Variants in CDK6 observed in about 807,000 individuals in gnomAD.
CDK6 encodes the protein cyclin dependent kinase 6.
A neutral mutation model predicts 37.1 loss-of-function variants in CDK6; 6 were observed. The ratio of observed to expected loss-of-function variants is 0.16; its 90% confidence interval spans 0.09 to 0.32. The LOEUF (loss-of-function observed/expected upper bound fraction) is 0.32. Among genes scored for constraint, CDK6 ranks in the 10% least tolerant of loss-of-function variants. The pLI, the probability that CDK6 is intolerant of heterozygous loss-of-function variation, is 1.00. For missense variants in CDK6, 224 were observed against 418.9 expected (o/e 0.53, Z 4.06); for synonymous variants, 160 against 161.3 (o/e 0.99, Z 0.06).
rs190559033 is a variant in CDK6, at chr7:92,740,225, G to C, written c.370-14432C>G. ...TCCTACATCCCTGTTACTATGCTCTGAGGGTAACATGCTCTATTATATCTC... is the reference window on the plus strand; with the variant it reads ...TCCTACATCCCTGTTACTATGCTCTCAGGGTAACATGCTCTATTATATCTC... On this transcript the variant is annotated intron_variant, in intron 3 of 7. Transcript: ENST00000424848. 8.5e-5 allele frequency among the ~76,000 whole-genome samples: 13 copies of C among 152,306 alleles called. 1 individual carries two copies. Among genetic ancestry groups the C allele is most frequent in the African/African-American group, 2.9e-4 (12 of 41,560 alleles).
chr7:92,783,603 G>C (rs968196320), intron 2 of CDK6, among the ~76,000 whole-genome samples: 1 of 152,078 alleles, frequency 6.6e-6, no homozygotes, highest in Non-Finnish European at 1.5e-5. Flanking sequence ...ATATAGACCT[G>C]GCACTGTGGC....
chr7:92,647,418 G>A (rs920326901), intron 5 of CDK6, among the ~76,000 whole-genome samples: 1 of 152,208 alleles, frequency 6.6e-6, no homozygotes, highest in African/African-American at 2.4e-5. Context: ...ATGACGTGGA[G>A]CAGCCAGGAG....
chr7:92,666,031 G>C (rs1183140695), intron 5 of CDK6, among the ~76,000 whole-genome samples: 2 of 152,214 alleles, frequency 1.3e-5, no homozygotes, highest in Non-Finnish European at 2.9e-5. Context: ...CAAGGCATGG[G>C]CCTGTCACAT....
chr7:92,694,831 A>G (rs1333856410), intron 4 of CDK6, among the ~76,000 whole-genome samples: 6 of 152,196 alleles, frequency 3.9e-5, no homozygotes, highest in Non-Finnish European at 7.3e-5. Context: ...AATTATATAT[A>G]TATAAAAAGA....
At chr7:92,648,386 T>C (rs1796497813) in intron 5 of CDK6, among the ~76,000 whole-genome samples, 1 of 152,154 alleles carries the variant, frequency 6.6e-6, no homozygotes, top group African/African-American at 2.4e-5. Context: ...TGGGGACTTT[T>C]TAGTTGAGAA....
At chr7:92,630,206 G>A (rs971454784) in intron 5 of CDK6, among the ~76,000 whole-genome samples, 2 of 151,938 alleles carry the variant, frequency 1.3e-5, no homozygotes, top group African/African-American at 4.8e-5. Context: ...CAATAAATGT[G>A]ATTTGTCTTT....
Position 92,714,138 on chromosome 7 carries a change from A to G in CDK6, c.537+11488T>C, listed in dbSNP as rs1439481253. ...ATGGGGATACTACCATATGAGAACT[A>G]CTATATTACAGGCAAATCAAAAGTG... On this transcript the variant is annotated intron_variant, in intron 4 of 7. Transcript: ENST00000424848. Among the ~76,000 whole-genome samples, 3 of 152,308 alleles carry G rather than the reference A, an allele frequency of 2.0e-5. No individual in the cohort carries two copies. In the East Asian group the frequency reaches 5.8e-4, roughly 29 times the overall value.
At chr7:92,750,616 T>G (rs1799166766) in intron 3 of CDK6, among the ~76,000 whole-genome samples, 1 of 152,196 alleles carries the variant, frequency 6.6e-6, no homozygotes, top group Admixed American at 6.5e-5. Context: ...ACAAGCCATT[T>G]CTAAACAAAA....
intron 2 of CDK6, among the ~76,000 whole-genome samples, chr7:92,798,054 G>A (rs901771053): frequency 1.3e-5 from 2 of 152,120 alleles, no homozygotes; most frequent in African/African-American, 4.8e-5. Flanking sequence ...AAAATGACTC[G>A]TCCTGAATGA....
At chr7:92,783,147 GGAA>G (rs1800038725) in intron 2 of CDK6, among the ~76,000 whole-genome samples, 1 of 152,102 alleles carries the variant, frequency 6.6e-6, no homozygotes, top group African/African-American at 2.4e-5. Flanking sequence ...AAGCACAGAA[GGAA>G]GAAGACAGAT....
At chr7:92,789,604 T>TTAATTG (rs1387331427) in intron 2 of CDK6, among the ~76,000 whole-genome samples, 1 of 152,210 alleles carries the variant, frequency 6.6e-6, no homozygotes, top group African/African-American at 2.4e-5. Context: ...GTTGAAGATG[T>TTAATTG]TAATTGTAAT....
chr7:92,751,111 T>A (rs1799179104), intron 3 of CDK6, among the ~76,000 whole-genome samples: 1 of 152,196 alleles, frequency 6.6e-6, no homozygotes, highest in South Asian at 2.1e-4. Context: ...CCTGGAGTGC[T>A]TTCTGAATTG....
chr7:92,718,583 T>C (rs1242885694), intron 4 of CDK6, among the ~76,000 whole-genome samples: 49 of 152,040 alleles, frequency 3.2e-4, no homozygotes, highest in Admixed American at 3.1e-3. Context: ...GTGGAATGAG[T>C]TATTCCAAAC....
At chr7:92,755,692 T>TAA (rs1361320037) in intron 3 of CDK6, among the ~76,000 whole-genome samples, 1 of 152,178 alleles carries the variant, frequency 6.6e-6, no homozygotes, top group Non-Finnish European at 1.5e-5. Flanking sequence ...CAAAGTGCAT[T>TAA]AGATATAAAA....
At chr7:92,756,816 G>A (rs891037422) in intron 3 of CDK6, among the ~76,000 whole-genome samples, 4 of 152,144 alleles carry the variant, frequency 2.6e-5, no homozygotes, top group Non-Finnish European at 4.4e-5. Context: ...GGCAAGAAGC[G>A]CAAGACCAGA....
rs184716262 is a variant in CDK6 at position 92,818,852 on chromosome 7, A to G, written c.233+14239T>C. ...CAACATTAGTCATCAAGTAAATGCA[A>G]ATTAAAATCACAATGTGTTATTAGT... On this transcript the variant is annotated intron_variant, in intron 2 of 7. Transcript: ENST00000424848. 2.0e-5 allele frequency among the ~76,000 whole-genome samples: 3 copies of G among 152,200 alleles called. No homozygotes were observed. In the East Asian group the frequency reaches 5.8e-4, roughly 29 times the overall value.
chr7:92,744,400 G>C (rs190854812), intron 3 of CDK6, among the ~76,000 whole-genome samples: 298 of 152,286 alleles, frequency 2.0e-3, no homozygotes, highest in South Asian at 4.4e-3. Context: ...CACTAGAACA[G>C]TATGAGGGAA....
intron 4 of CDK6, among the ~76,000 whole-genome samples, chr7:92,712,448 A>C (rs73406757): frequency 0.032 from 4,834 of 152,306 alleles, 220 homozygotes; most frequent in African/African-American, 0.11. Flanking sequence ...ACTATTGAAA[A>C]AATTTGATGC....
intron 2 of CDK6, among the ~76,000 whole-genome samples, chr7:92,792,887 A>G (rs1463053876): frequency 2.0e-5 from 3 of 151,964 alleles, no homozygotes; most frequent in Non-Finnish European, 4.4e-5. Flanking sequence ...GATGAGACGG[A>G]ATCTTGGAGG....
Sources: gnomAD v4.1 joint callset for allele counts (sites outside exome capture counted in the v4.1 genomes callset) on GRCh38, gnomAD v4.1.1 for gene constraint, MANE v1.5 for transcripts, NCBI Gene and HGNC (gene_info 2026-07-23, HGNC 2026-07-21) for gene names.